TRIM33: variants seen among roughly 807,000 people sequenced by gnomAD.
The protein encoded by TRIM33 is E3 ubiquitin-protein ligase TRIM33.
Under a neutral mutation model 125.4 loss-of-function variants are expected in TRIM33, and 20 were observed. That is an observed-to-expected ratio of 0.16 (90% CI 0.11 to 0.23). The LOEUF is 0.23. Among genes scored for constraint, TRIM33 ranks in the 10% least tolerant of loss-of-function variants. The probability of loss-of-function intolerance (pLI) is 1.00; values close to 1 mark genes in which losing one functional copy is unlikely to be tolerated. For synonymous variants in TRIM33, 564 were observed against 513.9 expected (o/e 1.10, Z -1.32); for missense variants, 920 against 1,411.4 (o/e 0.65, Z 5.58).
In TRIM33 at chr1:114,395,385, T is replaced by G. The variant is rs1430846936; in HGVS notation, c.*2263A>C. 1 of 200,922 alleles carries G rather than the reference T, an allele frequency of 5.0e-6. No individual in the cohort carries two copies. Among genetic ancestry groups the G allele is most frequent in the Non-Finnish European group, 1.0e-5 (1 of 97,498 alleles). 12.4% of individuals were successfully genotyped at this position (200,922 alleles called of 1,614,324 possible). A position where few individuals can be genotyped will look rare whatever the true frequency, so the allele number is the denominator to read the frequency against. ...ATTTTAAGGAAACACAATTATTTTT[T>G]AAGGCCCCAAATACTGAAAAATATT... On this transcript the variant is annotated 3_prime_UTR_variant, in exon 20 of 20. Transcript: ENST00000358465.
At chr1:114,428,070 C>G (rs183238316) in intron 6 of TRIM33, among the ~76,000 whole-genome samples, 176 bp from the exon 7 acceptor site, 1 of 152,118 alleles carries the variant, frequency 6.6e-6, no homozygotes, top group African/African-American at 2.4e-5. Context: ...AAAAGTGGGA[C>G]TAAAAGTCAG....
intron 1 of TRIM33, among the ~76,000 whole-genome samples, chr1:114,498,453 G>A (rs1652508120): frequency 6.6e-6 from 1 of 152,066 alleles, no homozygotes; most frequent in Non-Finnish European, 1.5e-5. Context: ...TTCAAGACCA[G>A]CCTGGCCAAC....
At chr1:114,410,986 A>T (rs1652545378) in intron 11 of TRIM33, among the ~76,000 whole-genome samples, 1 of 152,226 alleles carries the variant, frequency 6.6e-6, no homozygotes, top group Non-Finnish European at 1.5e-5. Flanking sequence ...AAATTATTTA[A>T]GTATGAATAT....
intron 4 of TRIM33, among the ~76,000 whole-genome samples, chr1:114,443,316 A>C (rs772276830): frequency 2.0e-5 from 3 of 152,134 alleles, no homozygotes; most frequent in Non-Finnish European, 2.9e-5. Context: ...CTCAAGAGGC[A>C]GAAGTTGCAG....
intron 6 of TRIM33, 35 bp downstream of exon 6, chr1:114,430,763 A>C: frequency 4.6e-6 from 5 of 1,077,444 alleles, no homozygotes; most frequent in African/African-American, 1.6e-5. Flanking sequence ...GAGCAAGAGA[A>C]GCAGTTTTTG....
At chr1:114,440,980 G>T (rs1003750761) in intron 4 of TRIM33, among the ~76,000 whole-genome samples, 1 of 152,134 alleles carries the variant, frequency 6.6e-6, no homozygotes, top group African/African-American at 2.4e-5. Context: ...TATAAATTAC[G>T]TATCTTGTGA....
chr1:114,435,877 C>CCTT (rs1553211462), intron 4 of TRIM33, among the ~76,000 whole-genome samples: 4 of 73,324 alleles, frequency 5.5e-5, no homozygotes, highest in Middle Eastern at 0.01. Context: ...TAGACACCCG[C>CCTT]TTTTTTTTTT....
chr1:114,402,296 G>C (rs1034467462), intron 16 of TRIM33, among the ~76,000 whole-genome samples: 1 of 152,162 alleles, frequency 6.6e-6, no homozygotes, highest in Non-Finnish European at 1.5e-5. Flanking sequence ...TAAAGGTCAA[G>C]AGCAGAAGCG....
intron 1 of TRIM33, among the ~76,000 whole-genome samples, chr1:114,498,827 G>C (rs1442132587): frequency 6.6e-6 from 1 of 151,796 alleles, no homozygotes; most frequent in East Asian, 1.9e-4. Context: ...GGTGGGGAAG[G>C]ACCTTCTGAA....
At chr1:114,484,487 G>A (rs1286829659) in intron 1 of TRIM33, among the ~76,000 whole-genome samples, 1 of 152,134 alleles carries the variant, frequency 6.6e-6, no homozygotes, top group African/African-American at 2.4e-5. Context: ...AGTACTTTGG[G>A]AGGCTGAGGC....
intron 4 of TRIM33, among the ~76,000 whole-genome samples, chr1:114,444,941 T>C (rs1283319616): frequency 6.6e-6 from 1 of 152,170 alleles, no homozygotes; most frequent in Non-Finnish European, 1.5e-5. Context: ...CATAGGTTCT[T>C]AGTGAACAAA....
At chr1:114,406,458 T>G (rs1217934019) in intron 14 of TRIM33, among the ~76,000 whole-genome samples, 3 of 152,168 alleles carry the variant, frequency 2.0e-5, no homozygotes, top group Non-Finnish European at 2.9e-5. Flanking sequence ...TATTAGAAAT[T>G]TTATAAATGT....
rs535478935 is a variant in TRIM33, at chr1:114,481,639, A to ATGTG, written c.527-17255_527-17252dup. Among the ~76,000 whole-genome samples, 125 of 142,412 alleles carry ATGTG rather than the reference A, an allele frequency of 8.8e-4. 1 individual carries two copies. The highest frequency in any genetic ancestry group is 3.6e-3 in the Middle Eastern group (1 of 280). The allele number at this position is 142,412 out of a possible 152,430, so 93.4% of individuals were successfully genotyped here. On this transcript the variant is annotated intron_variant, in intron 1 of 19. Transcript: ENST00000358465. ...AAAAAAGAAAAAAAACTATATATAT[A>ATGTG]TGTGTGTGTGTGTGTGTGTGTGTAT...
rs1362483434 is a variant in TRIM33, at chr1:114,510,853, G to T, written c.224C>A (p.Ala75Asp). ...GGVAAASSGS[A>D]QAASSPAASV... The stretch of plus-strand genomic sequence containing the variant: ...GGCCGCAGGAGATGAAGCAGCCTGG[G>T]CCGAGCCCGAGGAGGCCGCGGCCAC... Residue 75 changes from alanine to aspartate, a missense_variant, in exon 1 of 20, where the codon GCC (alanine) becomes GAC (aspartate). Physicochemically the swap from Ala to Asp is moderately radical, Grantham distance 126. Coordinates refer to ENST00000358465, the MANE Select transcript of TRIM33 (RefSeq NM_015906.4). 4.7e-6 allele frequency: 7 copies of T among 1,483,456 alleles called. No homozygotes were observed. The highest frequency in any genetic ancestry group is 6.2e-6 in the Non-Finnish European group (7 of 1,124,078). The allele number at this position is 1,483,456 out of a possible 1,614,324, so 91.9% of individuals were successfully genotyped here. A position where few individuals can be genotyped will look rare whatever the true frequency, so the allele number is the denominator to read the frequency against.
intron 4 of TRIM33, among the ~76,000 whole-genome samples, chr1:114,435,656 G>A (rs1648230746): frequency 6.6e-6 from 1 of 152,000 alleles, no homozygotes; most frequent in South Asian, 2.1e-4. Context: ...AGATCAATAT[G>A]GGAATTTCTG....
At chr1:114,405,788 A>G (rs189079661) in intron 14 of TRIM33, 29 bp from the exon 15 acceptor site, 2 of 1,555,224 alleles carry the variant, frequency 1.3e-6, no homozygotes, top group African/African-American at 2.7e-5. Flanking sequence ...AAATTCTTGA[A>G]GAATCATTTA....
At chr1:114,468,333 G>T in intron 1 of TRIM33, 3 of 281,890 alleles carry the variant, frequency 1.1e-5, no homozygotes, top group South Asian at 6.7e-5. Flanking sequence ...GGGATGAGAT[G>T]ATTTTTGATC....
chr1:114,407,964 A>G (rs1652348866), intron 13 of TRIM33, among the ~76,000 whole-genome samples: 1 of 152,226 alleles, frequency 6.6e-6, no homozygotes, highest in Non-Finnish European at 1.5e-5. Context: ...GCAGAAAAAT[A>G]ATAGAGCTAA....
At chr1:114,478,462 AG>A (rs759300589) in intron 1 of TRIM33, among the ~76,000 whole-genome samples, 4 of 152,206 alleles carry the variant, frequency 2.6e-5, no homozygotes, top group Non-Finnish European at 4.4e-5. Flanking sequence ...GAGTCACGGA[AG>A]GGCTAAGATC....
Sources: allele counts gnomAD v4.1 joint callset (sites outside exome capture counted in the v4.1 genomes callset), GRCh38; gene constraint gnomAD v4.1.1; transcripts MANE v1.5; gene names NCBI Gene and HGNC (gene_info 2026-07-23, HGNC 2026-07-21).